The following ADAM17 variants were observed in gnomAD, a reference collection of about 807,000 sequenced individuals.
The protein encoded by ADAM17 is disintegrin and metalloproteinase domain-containing protein 17.
ADAM17 carries 39 observed loss-of-function variants against 96.7 expected under a neutral mutation model. The ratio of observed to expected loss-of-function variants is 0.40; its 90% CI spans 0.31 to 0.53. ADAM17 has a LOEUF of 0.53. ADAM17 is among the 20% of genes least tolerant of loss of function. The pLI is 0.44. For synonymous variants in ADAM17, 344 were observed against 359.2 expected, an observed-to-expected ratio of 0.96 and a Z score of 0.48; for missense variants, 777 against 1,013.2, an observed-to-expected ratio of 0.77 and a Z score of 3.17.
At chr2:9,527,726 C>T in intron 5 of ADAM17, 60 bp downstream of exon 5, 1 of 1,177,064 alleles carries the variant, frequency 8.5e-7, no homozygotes, top group Admixed American at 2.9e-5. Flanking sequence ...ACAACCACCC[C>T]TACTGAAGTC....
At position 9,497,107 on chromosome 2, in the gene ADAM17, TG is replaced by T; in HGVS notation, c.1783+6del. ...CCTGCTGCTGGACTGGGAATAAAAC[TG>T]CTCACCATTACATGCACAGGACTCC... On this transcript the variant is annotated splice_donor_region_variant and intron_variant, in intron 14 of 18. Coordinates refer to ENST00000310823, the MANE Select transcript of ADAM17 (RefSeq NM_003183.6). 6.2e-7 allele frequency: 1 copy of T among 1,613,172 alleles called. No individual in the cohort carries two copies. Among genetic ancestry groups the T allele is most frequent in the South Asian group, 1.1e-5 (1 of 90,952 alleles).
Position 9,518,107 on chromosome 2 carries a change from T to C in ADAM17, c.1098A>G (p.Pro366=). The change falls in exon 9 of 19, where the codon CCA becomes CCG. Residue 366 remains proline, a synonymous_variant. Coordinates refer to ENST00000310823, the MANE Select transcript of ADAM17 (RefSeq NM_003183.6). The part of the protein sequence containing the change: ...PRANSHGGVC[P]KAYYSPVGKK... ...ACAAGAAATGGAAAAACTTACCCTT[T>C]GGACAAACACCTCCATGGCTGTTTG... 6.3e-7 allele frequency: 1 copy of C among 1,588,004 alleles called. No individual in the cohort carries two copies. Among genetic ancestry groups the C allele is most frequent in the Non-Finnish European group, 8.5e-7 (1 of 1,171,468 alleles).
At chr2:9,538,925 C>A (rs1399549770) in intron 2 of ADAM17, among the ~76,000 whole-genome samples, 1 of 152,114 alleles carries the variant, frequency 6.6e-6, no homozygotes, top group African/African-American at 2.4e-5. Context: ...TTTAATGGTC[C>A]ATTTAGTCAG....
intron 2 of ADAM17, among the ~76,000 whole-genome samples, chr2:9,540,814 C>A (rs1161249092): frequency 6.6e-6 from 1 of 152,156 alleles, no homozygotes; most frequent in Non-Finnish European, 1.5e-5. Flanking sequence ...TGCTCAATGT[C>A]ACACAAAATG....
At chr2:9,490,663 C>G in intron 18 of ADAM17, 145 bp from the exon 19 acceptor site, 1 of 828,148 alleles carries the variant, frequency 1.2e-6, no homozygotes, top group Non-Finnish European at 1.8e-6. Flanking sequence ...CTCACTCAAC[C>G]TAAGTGACTA....
At chr2:9,541,588 C>CA (rs1431224154) in intron 2 of ADAM17, among the ~76,000 whole-genome samples, 2 of 151,962 alleles carry the variant, frequency 1.3e-5, no homozygotes, top group Admixed American at 1.3e-4. Context: ...CAAAACAAAA[C>CA]AAAAAATTGG....
chr2:9,531,361 T>C (rs1395500320), intron 4 of ADAM17, among the ~76,000 whole-genome samples: 2 of 150,874 alleles, frequency 1.3e-5, no homozygotes, highest in African/African-American at 2.4e-5. Context: ...AGGTCAGAAG[T>C]TCAAGACCAG....
chr2:9,555,501 G>A lies in ADAM17; in HGVS notation c.97+8C>T, dbSNP rs981616407. 24 of 1,586,422 alleles carry A rather than the reference G, an allele frequency of 1.5e-5. No individual in the cohort carries two copies. The highest frequency in any genetic ancestry group is 1.1e-4 in the African/African-American group (8 of 74,382). ...CGCCGGCCTAAGCCAACTCCCCTGG[G>A]TCTTTACCGAGTCTCTGGTGGGGGC... is the stretch of plus-strand genomic sequence containing the variant. On this transcript the variant is annotated splice_region_variant and intron_variant, in intron 1 of 18. Transcript: ENST00000310823.
intron 3 of ADAM17, 152 bp downstream of exon 3, chr2:9,536,546 T>TA: frequency 9.9e-7 from 1 of 1,010,784 alleles, no homozygotes; most frequent in Non-Finnish European, 1.4e-6. Context: ...TTCCTGCCTC[T>TA]AAACTTATAT....
intron 12 of ADAM17, among the ~76,000 whole-genome samples, 164 bp from the exon 13 acceptor site, chr2:9,502,440 G>A (rs1458194528): frequency 2.0e-5 from 3 of 152,132 alleles, no homozygotes; most frequent in Non-Finnish European, 4.4e-5. Flanking sequence ...AGAGCTACCT[G>A]CACACACTTT....
rs115602427 is a variant in ADAM17, at chr2:9,544,950, G to C, written c.98-1665C>G. 7.0e-3 allele frequency among the ~76,000 whole-genome samples: 1,070 copies of C among 152,300 alleles called. 14 individuals carry two copies. The highest frequency in any genetic ancestry group is 0.024 in the African/African-American group (1,014 of 41,560). ...TGTTCACAAACTGCACGAATTCTCA[G>C]TGCTGAAATGCAATATGGTCCTTTA... On this transcript the variant is annotated intron_variant, in intron 1 of 18. Transcript: ENST00000310823.
chr2:9,548,914 T>C (rs180977016), intron 1 of ADAM17, among the ~76,000 whole-genome samples: 2 of 152,334 alleles, frequency 1.3e-5, no homozygotes, highest in Admixed American at 6.5e-5. Context: ...GAAGATTAGA[T>C]AAACCTTCCA....
chr2:9,513,433 CAGA>C (rs1663851642), intron 10 of ADAM17, among the ~76,000 whole-genome samples: 1 of 152,182 alleles, frequency 6.6e-6, no homozygotes, highest in Non-Finnish European at 1.5e-5. Context: ...GCCAGTTGGT[CAGA>C]AGTTCTGGAG....
intron 10 of ADAM17, among the ~76,000 whole-genome samples, chr2:9,512,017 ACTTAAAATTC>A (rs61241039): frequency 0.43 from 64,276 of 151,016 alleles, 14,665 homozygotes; most frequent in Middle Eastern, 0.61. Context: ...ATACATATAA[ACTTAAAATTC>A]CTGAGTTCTT....
At chr2:9,548,907 G>T (rs1363636378) in intron 1 of ADAM17, among the ~76,000 whole-genome samples, 1 of 152,176 alleles carries the variant, frequency 6.6e-6, no homozygotes, top group East Asian at 1.9e-4. Flanking sequence ...GCCTACAGAA[G>T]ATTAGATAAA....
chr2:9,511,069 G>A (rs1170380922), intron 10 of ADAM17, among the ~76,000 whole-genome samples: 1 of 152,066 alleles, frequency 6.6e-6, no homozygotes, highest in African/African-American at 2.4e-5. Context: ...TAATTGTCCA[G>A]CCTCCTCACA....
rs781586782 is a variant in ADAM17 at position 9,521,280 on chromosome 2, C to T, written c.880G>A (p.Gly294Ser). ...ILKSPQEVKP[G>S]EKHYNMAKSY... Reference sequence around the variant, plus strand: ...TTTGCCATGTTGTAGTGCTTTTCACCAGGTTTTACCTCTTGTGGAGACTTG... The same window carrying T: ...TTTGCCATGTTGTAGTGCTTTTCACTAGGTTTTACCTCTTGTGGAGACTTG... The change falls in exon 8 of 19, where the codon GGT becomes AGT. Residue 294 changes from glycine to serine, a missense_variant. Gly to Ser is a moderately conservative substitution (Grantham distance 56). Around this residue, in one of 3 missense-constraint regions of ADAM17, gnomAD observed 446 missense variants for 664.7 expected, o/e 0.67. Coordinates refer to ENST00000310823, the MANE Select transcript of ADAM17 (RefSeq NM_003183.6). 12 of 1,611,566 alleles carry T rather than the reference C, an allele frequency of 7.4e-6. No individual in the cohort carries two copies. Among genetic ancestry groups the T allele is most frequent in the African/African-American group, 2.7e-5 (2 of 74,938 alleles).
At chr2:9,507,185 T>C (rs1312533860) in intron 11 of ADAM17, among the ~76,000 whole-genome samples, 1 of 152,146 alleles carries the variant, frequency 6.6e-6, no homozygotes, top group Non-Finnish European at 1.5e-5. Flanking sequence ...AATATTTTTA[T>C]TAAGGAATTC....
rs2124949319 is a variant in ADAM17, at chr2:9,490,496, A to G, written c.2156T>C (p.Met719Thr). 6.2e-7 allele frequency: 1 copy of G among 1,613,484 alleles called. No homozygotes were observed. The highest frequency in any genetic ancestry group is 8.5e-7 in the Non-Finnish European group (1 of 1,179,466). The change falls in exon 19 of 19, where the codon ATG (methionine) becomes ACG (threonine). Residue 719 changes from methionine (M) to threonine (T), a missense_variant. Met to Thr is a moderately conservative substitution (Grantham distance 81). This residue lies in a region of ADAM17 where 197 missense variants were observed against 219.4 expected (regional missense o/e 0.90). Coordinates refer to ENST00000310823, the MANE Select transcript of ADAM17 (RefSeq NM_003183.6). ...HPSNVEMLSS[M>T]DSASVRIIKP... ...GATAATGCGAACCGATGCAGAATCCATGCTGCTCAGCATTTCGACGTTCTG... is the reference window on the plus strand; with the variant it reads ...GATAATGCGAACCGATGCAGAATCCGTGCTGCTCAGCATTTCGACGTTCTG...
Sources: gnomAD v4.1 joint callset for allele counts (sites outside exome capture counted in the v4.1 genomes callset) on GRCh38, gnomAD v4.1.1 for gene constraint, gnomAD v4.1.1 regional missense constraint, MANE v1.5 for transcripts, NCBI Gene and HGNC (gene_info 2026-07-23, HGNC 2026-07-21) for gene names.